The following TMCC3 variants were observed in gnomAD, a reference collection of about 807,000 sequenced individuals.
The protein encoded by TMCC3 is transmembrane and coiled-coil domain family 3.
In TMCC3, 28 loss-of-function variants were observed where a neutral mutation model predicts 40.2. That is an observed-to-expected ratio of 0.70 (90% CI 0.52 to 0.95). The LOEUF is 0.95. Ranked by LOEUF, TMCC3 falls within the 40% of genes least tolerant of loss-of-function variation. The probability of loss-of-function intolerance (pLI) is 0.00; values close to 1 mark genes in which losing one functional copy is unlikely to be tolerated. For missense variants in TMCC3, 554 were observed against 615.2 expected, an observed-to-expected ratio of 0.90 and a Z score of 1.05; for synonymous variants, 255 against 248.5, an observed-to-expected ratio of 1.03 and a Z score of -0.25.
chr12:94,633,234 T>A (rs998938072), intron 1 of TMCC3, among the ~76,000 whole-genome samples: 1 of 152,248 alleles, frequency 6.6e-6, no homozygotes, highest in Non-Finnish European at 1.5e-5. Flanking sequence ...GTTTATGGAT[T>A]CATCCAGTGT....
At position 94,615,563 on chromosome 12, in the gene TMCC3, C is replaced by T. The variant is rs368033178; in HGVS notation, c.79-33025G>A. ...TTCCAACTCAGAGCCTGGTTAGACC[C>T]GGGGTTACTTTCGAACTCCCAGGGA... On this transcript the variant is annotated intron_variant, in intron 1 of 3. Coordinates refer to ENST00000261226, the MANE Select transcript of TMCC3 (RefSeq NM_020698.4). Among the ~76,000 whole-genome samples, 395 of 152,316 alleles carry T rather than the reference C, an allele frequency of 2.6e-3. 5 individuals are homozygous for T. Among genetic ancestry groups the T allele is most frequent in the African/African-American group, 9.2e-3 (384 of 41,570 alleles).
intron 1 of TMCC3, chr12:94,591,158 C>T (rs568296193): frequency 5.9e-6 from 2 of 341,736 alleles, no homozygotes; most frequent in South Asian, 5.3e-5. Flanking sequence ...AAATACGAGA[C>T]TTCGTACAGT....
intron 1 of TMCC3, among the ~76,000 whole-genome samples, chr12:94,641,154 G>A (rs2068988284): frequency 6.6e-6 from 1 of 151,554 alleles, no homozygotes; most frequent in Admixed American, 6.6e-5. Context: ...CAGCCAAGAT[G>A]GCACCACTGC....
At position 94,570,559 on chromosome 12, in the gene TMCC3, C is replaced by T. The variant is rs1267791858; in HGVS notation, c.*876G>A. 3 of 152,168 alleles carry T rather than the reference C, an allele frequency of 2.0e-5. No homozygotes were observed. The highest frequency in any genetic ancestry group is 2.9e-5 in the Non-Finnish European group (2 of 68,026). 9.4% of individuals were successfully genotyped at this position (152,168 alleles called of 1,614,324 possible). A position where few individuals can be genotyped will look rare whatever the true frequency, so the allele number is the denominator to read the frequency against. On this transcript the variant is annotated 3_prime_UTR_variant, in exon 4 of 4. Coordinates refer to ENST00000261226, the MANE Select transcript of TMCC3 (RefSeq NM_020698.4). ...ATCCCTTGAAGCAAGGAGTTTGCAA[C>T]CAGCCTGAGCAATATTTAGCAGAGC...
chr12:94,626,147 C>A (rs1183150986), intron 1 of TMCC3, among the ~76,000 whole-genome samples: 3 of 152,160 alleles, frequency 2.0e-5, no homozygotes, highest in African/African-American at 7.2e-5. Context: ...ATTTATAAAA[C>A]CATCAGATCT....
chr12:94,567,962 A>G lies in TMCC3; in HGVS notation c.*3473T>C, dbSNP rs2068504490. 6.6e-6 allele frequency: 1 copy of G among 152,208 alleles called. No individual in the cohort carries two copies. Among genetic ancestry groups the G allele is most frequent in the African/African-American group, 2.4e-5 (1 of 41,460 alleles). The allele number at this position is 152,208 out of a possible 1,614,324, so 9.4% of individuals were successfully genotyped here. A position where few individuals can be genotyped will look rare whatever the true frequency, so the allele number is the denominator to read the frequency against. On this transcript the variant is annotated 3_prime_UTR_variant, in exon 4 of 4. Coordinates refer to ENST00000261226, the MANE Select transcript of TMCC3 (RefSeq NM_020698.4). ...TACTGAGCCCATAATTAAACCTGAT[A>G]TGCTAGAGAAATGGCAAGGCAATAA... is the stretch of plus-strand genomic sequence containing the variant.
chr12:94,625,831 A>C (rs2068901759), intron 1 of TMCC3, among the ~76,000 whole-genome samples: 1 of 152,218 alleles, frequency 6.6e-6, no homozygotes, highest in Non-Finnish European at 1.5e-5. Context: ...ACTTCAGTTA[A>C]CATTCATTTA....
chr12:94,642,890 T>C (rs2068998244), intron 1 of TMCC3, among the ~76,000 whole-genome samples: 1 of 151,974 alleles, frequency 6.6e-6, no homozygotes, highest in African/African-American at 2.4e-5. Flanking sequence ...TGCGGCAGGG[T>C]ACACTATAGA....
At chr12:94,606,819 A>G (rs2068786421) in intron 1 of TMCC3, among the ~76,000 whole-genome samples, 1 of 152,230 alleles carries the variant, frequency 6.6e-6, no homozygotes. Context: ...AATAAAGATC[A>G]CAAGACAAAG....
chr12:94,630,822 G>A (rs1435683103), intron 1 of TMCC3, among the ~76,000 whole-genome samples: 2 of 152,134 alleles, frequency 1.3e-5, no homozygotes, highest in East Asian at 1.9e-4. Flanking sequence ...TCCACCTCCC[G>A]GGTTCAAGCG....
chr12:94,645,748 T>C (rs1186414466), intron 1 of TMCC3, among the ~76,000 whole-genome samples: 2 of 152,188 alleles, frequency 1.3e-5, no homozygotes, highest in East Asian at 1.9e-4. Flanking sequence ...CTAGGAATCT[T>C]TGTATTATAC....
At chr12:94,600,225 T>A (rs1263852670) in intron 1 of TMCC3, among the ~76,000 whole-genome samples, 4 of 150,676 alleles carry the variant, frequency 2.7e-5, no homozygotes, top group Non-Finnish European at 5.9e-5. Context: ...TCTTTAAAAC[T>A]GTCACCAAAT....
chr12:94,619,386 G>C (rs1355311778), intron 1 of TMCC3, among the ~76,000 whole-genome samples: 2 of 152,138 alleles, frequency 1.3e-5, no homozygotes, highest in East Asian at 3.9e-4. Context: ...TGTAAATTCA[G>C]GATTCCCTAC....
chr12:94,629,889 C>T (rs1051937964), intron 1 of TMCC3, among the ~76,000 whole-genome samples: 1 of 152,224 alleles, frequency 6.6e-6, no homozygotes, highest in African/African-American at 2.4e-5. Flanking sequence ...CTATCATTAT[C>T]ACTCTGTTTA....
At chr12:94,597,636 T>C (rs1286429991) in intron 1 of TMCC3, among the ~76,000 whole-genome samples, 1 of 152,014 alleles carries the variant, frequency 6.6e-6, no homozygotes, top group African/African-American at 2.4e-5. Flanking sequence ...CAAAACTCCA[T>C]CTCTACTAAA....
chr12:94,571,756 G>A lies in TMCC3; in HGVS notation c.1132-19C>T, dbSNP rs2068530564. 6.2e-7 allele frequency: 1 copy of A among 1,611,770 alleles called. No individual in the cohort carries two copies. The highest frequency in any genetic ancestry group is 1.1e-5 in the South Asian group (1 of 90,928). On this transcript the variant is annotated intron_variant, in intron 3 of 3. Coordinates refer to ENST00000261226, the MANE Select transcript of TMCC3 (RefSeq NM_020698.4). ...AGGCTTCCTGTGAGCAAGAGGGAGA[G>A]CAAGGGTCAAACGGTGTTGGGATGG...
At chr12:94,635,188 A>G (rs1214063223) in intron 1 of TMCC3, among the ~76,000 whole-genome samples, 3 of 152,312 alleles carry the variant, frequency 2.0e-5, no homozygotes, top group Middle Eastern at 6.8e-3. Flanking sequence ...CCATCCTAAC[A>G]TAAGTGACAA....
rs181426762 is a variant in TMCC3 at position 94,646,721 on chromosome 12, G to A, written c.78+3632C>T. ...CCCAAAGTCCTGGGATTACAGGCGT[G>A]AGCCACCGTGCCTGGCTTTTTTTTT... On this transcript the variant is annotated intron_variant, in intron 1 of 3. Coordinates refer to ENST00000261226, the MANE Select transcript of TMCC3 (RefSeq NM_020698.4). 4.9e-3 allele frequency among the ~76,000 whole-genome samples: 717 copies of A among 145,326 alleles called. 8 individuals carry two copies. The highest frequency in any genetic ancestry group is 0.017 in the African/African-American group (681 of 39,630).
chr12:94,582,285 A>G lies in TMCC3; in HGVS notation c.332T>C (p.Ile111Thr), dbSNP rs1594268777. The G allele has an allele frequency of 6.2e-7, 1 of 1,614,028 alleles. No individual in the cohort carries two copies. The highest frequency in any genetic ancestry group is 8.5e-7 in the Non-Finnish European group (1 of 1,180,012). ...NNADKQQAGR[I>T]KQVFEKKNQK... ...ATTCTTCTTCTCAAAGACTTGCTTGATACGTCCCGCCTGCTGCTTGTCTGC... is the reference window on the plus strand; with the variant it reads ...ATTCTTCTTCTCAAAGACTTGCTTGGTACGTCCCGCCTGCTGCTTGTCTGC... Residue 111 changes from isoleucine (I) to threonine (T), a missense_variant, in exon 2 of 4, where the codon ATC (isoleucine) becomes ACC (threonine). Coordinates refer to ENST00000261226, the MANE Select transcript of TMCC3 (RefSeq NM_020698.4).
Sources: allele counts gnomAD v4.1 joint callset (sites outside exome capture counted in the v4.1 genomes callset), GRCh38; gene constraint gnomAD v4.1.1; transcripts MANE v1.5; gene names NCBI Gene and HGNC (gene_info 2026-07-23, HGNC 2026-07-21).